The following ADAMTS18 variants were observed in gnomAD, a reference collection of about 807,000 sequenced individuals.
The protein encoded by ADAMTS18 is A disintegrin and metalloproteinase with thrombospondin motifs 18.
Under a neutral mutation model 165.9 loss-of-function variants are expected in ADAMTS18, and 157 were observed. That is an observed-to-expected ratio of 0.95 (90% CI 0.83 to 1.08). The LOEUF is 1.08. ADAMTS18 is among the 50% of genes least tolerant of loss of function. The pLI is 0.00. For synonymous variants in ADAMTS18, 782 were observed against 578.2 expected, an observed-to-expected ratio of 1.35 and a Z score of -5.06; for missense variants, 2,040 against 1,534.0, an observed-to-expected ratio of 1.33 and a Z score of -5.51.
chr16:77,429,796 G>C (rs17621339), intron 3 of ADAMTS18, among the ~76,000 whole-genome samples: 1 of 151,934 alleles, frequency 6.6e-6, no homozygotes, highest in Admixed American at 6.6e-5. Context: ...AACAGCTATA[G>C]AGAAATTATT....
At chr16:77,401,945 G>C (rs1181387872) in intron 3 of ADAMTS18, among the ~76,000 whole-genome samples, 3 of 152,188 alleles carry the variant, frequency 2.0e-5, no homozygotes, top group African/African-American at 7.2e-5. Context: ...CTTGGAGTAA[G>C]AGTTACACCT....
intron 17 of ADAMTS18, 109 bp from the exon 18 acceptor site, chr16:77,297,524 G>A (rs2055497592): frequency 5.9e-6 from 7 of 1,193,148 alleles, no homozygotes; most frequent in East Asian, 2.4e-5. Flanking sequence ...TTTCAGATAT[G>A]GAATCCAAAT....
chr16:77,292,032 G>A (rs551787246), intron 20 of ADAMTS18, among the ~76,000 whole-genome samples: 7 of 152,312 alleles, frequency 4.6e-5, no homozygotes, highest in African/African-American at 1.7e-4. Context: ...TAGGCTGGGT[G>A]CAGTGGCTCA....
chr16:77,352,180 C>T (rs2056565661), intron 10 of ADAMTS18, among the ~76,000 whole-genome samples: 1 of 152,058 alleles, frequency 6.6e-6, no homozygotes, highest in South Asian at 2.1e-4. Context: ...AAAATGTAAT[C>T]CCATCTCAAA....
chr16:77,334,179 A>G (rs1487304261), intron 12 of ADAMTS18, among the ~76,000 whole-genome samples: 1 of 83,232 alleles, frequency 1.2e-5, no homozygotes, highest in African/African-American at 5.2e-5. Context: ...TATTATATAT[A>G]ATATATAGTG....
intron 17 of ADAMTS18, chr16:77,299,952 C>CAT (rs1280796286): frequency 4.3e-5 from 7 of 162,592 alleles, no homozygotes; most frequent in East Asian, 1.8e-4. Context: ...GAAAATTAAA[C>CAT]ATATATATAT....
At chr16:77,304,417 C>G (rs1351254973) in intron 16 of ADAMTS18, among the ~76,000 whole-genome samples, 2 of 152,198 alleles carry the variant, frequency 1.3e-5, no homozygotes. Flanking sequence ...GCTATAGTCA[C>G]ACCACTGCAC....
intron 3 of ADAMTS18, among the ~76,000 whole-genome samples, chr16:77,383,209 C>T (rs1286240972): frequency 1.3e-5 from 2 of 152,148 alleles, no homozygotes; most frequent in African/African-American, 4.8e-5. Context: ...TTCTCCCTTG[C>T]TCCAGAGTTG....
At chr16:77,419,154 G>GTA (rs1555528279) in intron 3 of ADAMTS18, among the ~76,000 whole-genome samples, 1 of 151,522 alleles carries the variant, frequency 6.6e-6, no homozygotes, top group Non-Finnish European at 1.5e-5. Context: ...ATCTCAGGGG[G>GTA]AAAAAAAATC....
At chr16:77,393,906 C>G (rs990233510) in intron 3 of ADAMTS18, among the ~76,000 whole-genome samples, 2 of 152,218 alleles carry the variant, frequency 1.3e-5, no homozygotes, top group African/African-American at 4.8e-5. Context: ...GCATGAGGAA[C>G]ATATCCATCC....
intron 10 of ADAMTS18, among the ~76,000 whole-genome samples, chr16:77,343,405 G>C (rs1235889604): frequency 6.6e-6 from 1 of 152,144 alleles, no homozygotes; most frequent in African/African-American, 2.4e-5. Flanking sequence ...TCTACTTCCA[G>C]AACTATAAGA....
chr16:77,369,042 G>T (rs1428736911), intron 3 of ADAMTS18, among the ~76,000 whole-genome samples: 5 of 152,212 alleles, frequency 3.3e-5, no homozygotes, highest in Non-Finnish European at 7.3e-5. Context: ...CCCTGCTGGG[G>T]AAAGTGTAAT....
intron 10 of ADAMTS18, among the ~76,000 whole-genome samples, chr16:77,351,075 G>T (rs905570369): frequency 6.6e-6 from 1 of 152,154 alleles, no homozygotes; most frequent in Non-Finnish European, 1.5e-5. Flanking sequence ...AAGAGATTTT[G>T]TTGCTTTGGA....
At chr16:77,338,901 C>T (rs2056354323) in intron 11 of ADAMTS18, among the ~76,000 whole-genome samples, 2 of 150,128 alleles carry the variant, frequency 1.3e-5, no homozygotes, top group Admixed American at 1.3e-4. Flanking sequence ...CTGCAGTGAG[C>T]CAAGATCATG....
chr16:77,283,024 C>A lies in ADAMTS18; in HGVS notation c.*932G>T, dbSNP rs757248734. ...TTCCAAGCAGCTCTGGTAGTATGTACAGAGCATTATAAATGATGGTCCTTT... is the reference window on the plus strand; with the variant it reads ...TTCCAAGCAGCTCTGGTAGTATGTAAAGAGCATTATAAATGATGGTCCTTT... On this transcript the variant is annotated 3_prime_UTR_variant, in exon 23 of 23. Transcript: ENST00000282849. 1 of 147,310 alleles carries A rather than the reference C, an allele frequency of 6.8e-6. No homozygotes were observed. Among genetic ancestry groups the A allele is most frequent in the African/African-American group, 2.5e-5 (1 of 39,980 alleles). 9.1% of individuals were successfully genotyped at this position (147,310 alleles called of 1,614,324 possible). A position where few individuals can be genotyped will look rare whatever the true frequency, so the allele number is the denominator to read the frequency against.
chr16:77,396,690 T>A (rs1392389941), intron 3 of ADAMTS18, among the ~76,000 whole-genome samples: 1 of 152,180 alleles, frequency 6.6e-6, no homozygotes, highest in African/African-American at 2.4e-5. Context: ...TGGAGATTGT[T>A]TTGTAAAACA....
intron 12 of ADAMTS18, among the ~76,000 whole-genome samples, chr16:77,328,745 G>A (rs1256241435): frequency 6.6e-6 from 1 of 152,136 alleles, no homozygotes; most frequent in Admixed American, 6.5e-5. Flanking sequence ...AACCTCATTT[G>A]GGCTCTATGT....
chr16:77,358,017 T>A (rs190241411), intron 8 of ADAMTS18, among the ~76,000 whole-genome samples: 1 of 152,224 alleles, frequency 6.6e-6, no homozygotes. Flanking sequence ...CGGTTGGACT[T>A]CATGCTGGTA....
chr16:77,396,749 C>A (rs750007987), intron 3 of ADAMTS18, among the ~76,000 whole-genome samples: 1 of 151,288 alleles, frequency 6.6e-6, no homozygotes, highest in African/African-American at 2.4e-5. Flanking sequence ...GAGAGCTGCA[C>A]ATTAAACGCT....
Sources: allele counts gnomAD v4.1 joint callset (sites outside exome capture counted in the v4.1 genomes callset), GRCh38; gene constraint gnomAD v4.1.1; transcripts MANE v1.5; gene names NCBI Gene and HGNC (gene_info 2026-07-23, HGNC 2026-07-21).